The following KRT75 variants were observed in gnomAD, a reference collection of about 807,000 sequenced individuals.
KRT75 encodes the protein keratin, type II cytoskeletal 75.
Under a neutral mutation model 48.8 loss-of-function variants are expected in KRT75, and 35 were observed. That is an observed-to-expected ratio of 0.72 (90% CI 0.55 to 0.95). The LOEUF (loss-of-function observed/expected upper bound fraction) is 0.95, where lower values mean the gene tolerates loss of function less well. KRT75 is among the 40% of genes least tolerant of loss of function. KRT75 has a pLI of 0.00. For missense variants in KRT75, 776 were observed against 709.9 expected (o/e 1.09, Z -1.06); for synonymous variants, 301 against 282.3 (o/e 1.07, Z -0.66).
intron 4 of KRT75, among the ~76,000 whole-genome samples, chr12:52,431,251 C>T (rs1940140716): frequency 6.6e-6 from 1 of 151,666 alleles, no homozygotes; most frequent in Non-Finnish European, 1.5e-5. Flanking sequence ...TGTGTTGATT[C>T]CTTGGGAAAT....
At chr12:52,429,679 C>T (rs935151609) in intron 5 of KRT75, among the ~76,000 whole-genome samples, 10 of 152,156 alleles carry the variant, frequency 6.6e-5, no homozygotes, top group African/African-American at 1.9e-4. Context: ...TTCCTTTCAC[C>T]GTCAAGGCGC....
Position 52,433,202 on chromosome 12 carries a change from G to T in KRT75, c.549C>A (p.Leu183=). The part of the protein sequence containing the change: ...QNKVLETKWA[L]LQEQGSRTVR... ...CAGTCCTGGAGCCCTGCTCCTGCAG[G>T]AGGGCCCACTTGGTCTCCAGGACCT... is the stretch of plus-strand genomic sequence containing the variant. The change falls in exon 2 of 9, where the codon CTC becomes CTA. Residue 183 remains leucine (L), a synonymous_variant. Coordinates refer to ENST00000252245, the MANE Select transcript of KRT75 (RefSeq NM_004693.3). The T allele has an allele frequency of 6.2e-7, 1 of 1,614,090 alleles. No homozygotes were observed. The highest frequency in any genetic ancestry group is 8.5e-7 in the Non-Finnish European group (1 of 1,180,008).
At chr12:52,427,397 T>C (rs942235579) in intron 7 of KRT75, among the ~76,000 whole-genome samples, 2 of 152,204 alleles carry the variant, frequency 1.3e-5, no homozygotes, top group Admixed American at 1.3e-4. Context: ...TAACAAGAGG[T>C]AACAGCTGTT....
intron 4 of KRT75, among the ~76,000 whole-genome samples, chr12:52,430,906 C>T (rs1940136786): frequency 6.6e-6 from 1 of 152,216 alleles, no homozygotes; most frequent in South Asian, 2.1e-4. Context: ...AGGCTCCCAT[C>T]TGTGTGCTTT....
rs1940152689 is a variant in KRT75 at position 52,432,076 on chromosome 12, C to G, written c.714-10G>C. 7 of 1,613,996 alleles carry G rather than the reference C, an allele frequency of 4.3e-6. No individual in the cohort carries two copies. Among genetic ancestry groups the G allele is most frequent in the Non-Finnish European group, 5.1e-6 (6 of 1,180,008 alleles). On this transcript the variant is annotated splice_polypyrimidine_tract_variant and intron_variant, in intron 2 of 8. Coordinates refer to ENST00000252245, the MANE Select transcript of KRT75 (RefSeq NM_004693.3). ...AATTTCATCTTCGTACCTATAAGGA[C>G]AGAGCGGGGGGTGTGCTGTTGAGCA...
At chr12:52,433,391 CA>C (rs10718213) in intron 1 of KRT75, 139 bp from the exon 2 acceptor site, 92,314 of 791,330 alleles carry the variant, frequency 0.12, 6,083 homozygotes, top group African/African-American at 0.19. Context: ...AACTCCAACC[CA>C]AAAGGAGGCA....
intron 8 of KRT75, among the ~76,000 whole-genome samples, chr12:52,424,980 G>T (rs1940060355): frequency 6.6e-6 from 1 of 152,166 alleles, no homozygotes; most frequent in Admixed American, 6.5e-5. Context: ...TCCCCTTCCA[G>T]AACCTACTGG....
At chr12:52,428,519 T>C (rs1006017870) in intron 6 of KRT75, 43 bp from the exon 7 acceptor site, 8 of 1,611,632 alleles carry the variant, frequency 5.0e-6, no homozygotes, top group Non-Finnish European at 6.8e-6. Flanking sequence ...TGACAGCCCA[T>C]GGAGGTGTGG....
chr12:52,433,266 G>A lies in KRT75; in HGVS notation c.499-14C>T, dbSNP rs1940170415. 6.2e-7 allele frequency: 1 copy of A among 1,609,522 alleles called. No individual in the cohort carries two copies. The highest frequency in any genetic ancestry group is 2.2e-5 in the East Asian group (1 of 44,842). ...CAAGAACCTCACCTGGAGGGAAGAAGAGAGAATGAAACCTTGAGAAGTTGG... is the reference window on the plus strand; with the variant it reads ...CAAGAACCTCACCTGGAGGGAAGAAAAGAGAATGAAACCTTGAGAAGTTGG... On this transcript the variant is annotated splice_polypyrimidine_tract_variant and intron_variant, in intron 1 of 8. Coordinates refer to ENST00000252245, the MANE Select transcript of KRT75 (RefSeq NM_004693.3).
At chr12:52,430,783 G>T (rs1019523450) in intron 4 of KRT75, 78 bp from the exon 5 acceptor site, 20 of 1,487,516 alleles carry the variant, frequency 1.3e-5, no homozygotes, top group Non-Finnish European at 1.8e-5. Context: ...ACCCATCTAG[G>T]TCAGGAATCC....
At chr12:52,425,150 T>C (rs187027032) in intron 8 of KRT75, among the ~76,000 whole-genome samples, 68 of 152,248 alleles carry the variant, frequency 4.5e-4, no homozygotes, top group African/African-American at 1.6e-3. Context: ...CCTCAGCGTC[T>C]CCCAGCCCCA....
At chr12:52,433,627 A>G (rs1280602189) in intron 1 of KRT75, among the ~76,000 whole-genome samples, 180 bp downstream of exon 1, 4 of 152,148 alleles carry the variant, frequency 2.6e-5, no homozygotes, top group Admixed American at 2.0e-4. Context: ...GGAAATTTCT[A>G]CCAGGTCCTG....
intron 5 of KRT75, 103 bp downstream of exon 5, chr12:52,430,434 GAAAT>G: frequency 8.3e-7 from 1 of 1,207,096 alleles, no homozygotes; most frequent in African/African-American, 1.5e-5. Flanking sequence ...CTGCTAAGTT[GAAAT>G]AAACGAATGT....
In KRT75 at chr12:52,424,161, G is replaced by C. The variant is rs1389260880; in HGVS notation, c.*356C>G. The stretch of plus-strand genomic sequence containing the variant: ...GGCCACTTATAAACACTATGAGACA[G>C]GTGGGTGACAACCTGGCATTGAGAG... On this transcript the variant is annotated 3_prime_UTR_variant, in exon 9 of 9. Coordinates refer to ENST00000252245, the MANE Select transcript of KRT75 (RefSeq NM_004693.3). The C allele has an allele frequency of 2.3e-5, 9 of 390,280 alleles. No homozygotes were observed. Among genetic ancestry groups the C allele is most frequent in the Non-Finnish European group, 4.4e-5 (9 of 204,650 alleles). 24.2% of individuals were successfully genotyped at this position (390,280 alleles called of 1,614,324 possible). A position where few individuals can be genotyped will look rare whatever the true frequency, so the allele number is the denominator to read the frequency against.
At chr12:52,432,127 T>C in intron 2 of KRT75, 61 bp from the exon 3 acceptor site, 3 of 1,558,956 alleles carry the variant, frequency 1.9e-6, no homozygotes, top group Non-Finnish European at 2.7e-6. Context: ...CTTTCCAGGC[T>C]GGTGTAGCAA....
Position 52,428,329 on chromosome 12 carries a change from G to T in KRT75, c.1309C>A (p.Leu437Met), listed in dbSNP as rs1940098465. ...MARLLREYQE[L>M]MNIKLALDVE... Reference sequence around the variant, plus strand: ...TCCAGGGCCAGCTTGATGTTCATCAGCTCCTGGTACTCACGCAGGAGCCGA... The same window carrying T: ...TCCAGGGCCAGCTTGATGTTCATCATCTCCTGGTACTCACGCAGGAGCCGA... The change falls in exon 7 of 9, where the codon CTG becomes ATG. Residue 437 changes from leucine to methionine, a missense_variant. Transcript: ENST00000252245. 2 of 1,614,092 alleles carry T rather than the reference G, an allele frequency of 1.2e-6. No homozygotes were observed.
chr12:52,425,344 A>G (rs1940064293), intron 8 of KRT75, among the ~76,000 whole-genome samples: 1 of 152,366 alleles, frequency 6.6e-6, no homozygotes, highest in Admixed American at 6.5e-5. Flanking sequence ...CAAATTTTAA[A>G]AAAATAGACT....
intron 7 of KRT75, among the ~76,000 whole-genome samples, chr12:52,427,918 C>G (rs1940093508): frequency 6.6e-6 from 1 of 152,136 alleles, no homozygotes; most frequent in Admixed American, 6.5e-5. Context: ...AGTGTTAGAT[C>G]TGTAAGCCCA....
chr12:52,433,690 G>A, intron 1 of KRT75, 117 bp downstream of exon 1: 1 of 1,512,360 alleles, frequency 6.6e-7, no homozygotes. Context: ...AGCCCGTGCT[G>A]AACAGTGCTC....
Sources: gnomAD v4.1 joint callset for allele counts (sites outside exome capture counted in the v4.1 genomes callset) on GRCh38, gnomAD v4.1.1 for gene constraint, MANE v1.5 for transcripts, NCBI Gene and HGNC (gene_info 2026-07-23, HGNC 2026-07-21) for gene names.